The following R3HDM2 variants were observed in gnomAD, a reference collection of about 807,000 sequenced individuals.
R3HDM2 encodes the protein R3H domain-containing protein 2.
Under a neutral mutation model 124.5 loss-of-function variants are expected in R3HDM2, and 38 were observed. The ratio of observed to expected loss-of-function variants is 0.31; its 90% CI spans 0.24 to 0.40. R3HDM2 has a LOEUF of 0.40. Among genes scored for constraint, R3HDM2 ranks in the 10% least tolerant of loss-of-function variants. R3HDM2 has a pLI of 1.00. For synonymous variants in R3HDM2, 391 were observed against 448.0 expected (o/e 0.87, Z 1.61); for missense variants, 869 against 1,236.9 (o/e 0.70, Z 4.46).
At chr12:57,311,178 A>G (rs770801561) in intron 2 of R3HDM2, among the ~76,000 whole-genome samples, 4 of 152,188 alleles carry the variant, frequency 2.6e-5, no homozygotes, top group Admixed American at 2.0e-4. Context: ...TTCAAAAAGA[A>G]GTAAAATCAG....
intron 1 of R3HDM2, among the ~76,000 whole-genome samples, chr12:57,427,151 C>T (rs564203849): frequency 1.1e-4 from 16 of 151,606 alleles, no homozygotes; most frequent in Non-Finnish European, 2.2e-4. Flanking sequence ...ATTAGTTGGA[C>T]GTGGTGGCGC....
Position 57,377,078 on chromosome 12 carries a change from CTAAA to C in R3HDM2, c.-36+18667_-36+18670del, listed in dbSNP as rs142655309. ...CTGCTGCTCACTCCTTGGGTCCACGCTAAATAAATAAATAAATAAATAAATAAAA... is the reference window on the plus strand; with the variant it reads ...CTGCTGCTCACTCCTTGGGTCCACGCTAAATAAATAAATAAATAAATAAAA... On this transcript the variant is annotated intron_variant, in intron 2 of 23. Transcript: ENST00000402412. 8.6e-5 allele frequency among the ~76,000 whole-genome samples: 11 copies of C among 128,040 alleles called. No individual in the cohort carries two copies. The South Asian group carries it at 1.3e-3, about 15-fold the overall frequency. The allele number at this position is 128,040 out of a possible 152,430, so 84.0% of individuals were successfully genotyped here.
In R3HDM2 at chr12:57,371,498, A is replaced by G. The variant is rs954042106; in HGVS notation, c.-36+24251T>C. Among the ~76,000 whole-genome samples, 4 of 152,188 alleles carry G rather than the reference A, an allele frequency of 2.6e-5. No individual in the cohort carries two copies. The South Asian group carries it at 6.2e-4, about 24-fold the overall frequency. Reference sequence around the variant, plus strand: ...ATAGTCTGTAGTAAGATAAGAAGACAGGCAATGAGAAGAAATACTCCCAAA... The same window carrying G: ...ATAGTCTGTAGTAAGATAAGAAGACGGGCAATGAGAAGAAATACTCCCAAA... On this transcript the variant is annotated intron_variant, in intron 2 of 23. Coordinates refer to ENST00000402412, the MANE Select transcript of R3HDM2 (RefSeq NM_001394031.1).
chr12:57,287,346 AGACTGTGG>A (rs1248882931), intron 12 of R3HDM2, among the ~76,000 whole-genome samples: 3 of 152,226 alleles, frequency 2.0e-5, no homozygotes, highest in African/African-American at 7.2e-5. Context: ...CCCGAAGTGT[AGACTGTGG>A]AACAGGAATC....
intron 6 of R3HDM2, 76 bp downstream of exon 6, chr12:57,299,276 T>TA (rs1361604826): frequency 7.0e-7 from 1 of 1,431,904 alleles, no homozygotes; most frequent in Non-Finnish European, 9.5e-7. Flanking sequence ...CCAGTAAGGC[T>TA]GGCAGGTGCC....
At chr12:57,266,185 C>T (rs574108622) in intron 19 of R3HDM2, among the ~76,000 whole-genome samples, 57 of 151,566 alleles carry the variant, frequency 3.8e-4, no homozygotes, top group Non-Finnish European at 7.1e-4. Context: ...CAACCTCTGC[C>T]TCCCAGGTTC....
chr12:57,351,398 AC>A lies in R3HDM2; in HGVS notation c.-35-40936del, dbSNP rs570394011. On this transcript the variant is annotated intron_variant, in intron 2 of 23. Coordinates refer to ENST00000402412, the MANE Select transcript of R3HDM2 (RefSeq NM_001394031.1). The stretch of plus-strand genomic sequence containing the variant: ...TTAAGCAATAATTAAGACTAAAAAA[AC>A]AATAGTGTTCATTCACATCAACAGG... Among the ~76,000 whole-genome samples the A allele has an allele frequency of 4.2e-3, 637 of 152,382 alleles. 4 individuals are homozygous for A. Among genetic ancestry groups the A allele is most frequent in the Non-Finnish European group, 7.2e-3 (488 of 68,040 alleles).
At chr12:57,301,882 C>T (rs1392124025) in intron 4 of R3HDM2, among the ~76,000 whole-genome samples, 2 of 152,354 alleles carry the variant, frequency 1.3e-5, no homozygotes, top group Admixed American at 6.5e-5. Flanking sequence ...CACACACTAA[C>T]ACATGTAGTC....
intron 2 of R3HDM2, among the ~76,000 whole-genome samples, chr12:57,384,508 T>C (rs2065407078): frequency 1.3e-5 from 2 of 151,986 alleles, no homozygotes; most frequent in African/African-American, 4.8e-5. Context: ...ATAAAAAAAA[T>C]AACATATGTA....
chr12:57,361,680 C>T (rs1202653953), intron 2 of R3HDM2, among the ~76,000 whole-genome samples: 1 of 151,562 alleles, frequency 6.6e-6, no homozygotes, highest in Non-Finnish European at 1.5e-5. Flanking sequence ...CAAAGTGAGA[C>T]TGTCTCCAAA....
chr12:57,386,676 G>A (rs2065883003), intron 2 of R3HDM2, among the ~76,000 whole-genome samples: 1 of 152,256 alleles, frequency 6.6e-6, no homozygotes, highest in Non-Finnish European at 1.5e-5. Flanking sequence ...GGACTCGCAG[G>A]CAGCTCCACC....
At chr12:57,298,273 A>G (rs562629794) in intron 6 of R3HDM2, 105 bp from the exon 7 acceptor site, 2 of 889,858 alleles carry the variant, frequency 2.2e-6, no homozygotes, top group East Asian at 5.3e-5. Context: ...AAAGAATAGG[A>G]AAGCAAAATC....
chr12:57,428,777 C>T (rs1286085872), intron 1 of R3HDM2, among the ~76,000 whole-genome samples: 4 of 149,380 alleles, frequency 2.7e-5, no homozygotes, highest in Non-Finnish European at 3.0e-5. Flanking sequence ...GACAGTCTCT[C>T]GCTCTGTTGC....
Position 57,255,085 on chromosome 12 carries a change from ATC to A in R3HDM2, c.2659_2660del (p.Asp887SerfsTer3). The A allele has an allele frequency of 6.2e-7, 1 of 1,602,548 alleles. No individual in the cohort carries two copies. The highest frequency in any genetic ancestry group is 8.5e-7 in the Non-Finnish European group (1 of 1,173,496). Reference protein sequence around the residue: ...VVLGRVLEVTDLPEGITRTEA... With the variant: ...VVLGRVLEVTXLPEGITRTEA... ...CAGTACGGGTGATGCCCTCAGGGAG[ATC>A]TGTCACCTCCAGCACCCGCCCCAGG... On this transcript the variant is annotated frameshift_variant, in exon 24 of 24. Coordinates refer to ENST00000402412, the MANE Select transcript of R3HDM2 (RefSeq NM_001394031.1). LOFTEE classifies it high-confidence loss of function.
intron 1 of R3HDM2, among the ~76,000 whole-genome samples, chr12:57,424,282 C>T (rs554234592): frequency 2.0e-5 from 3 of 151,904 alleles, no homozygotes; most frequent in East Asian, 3.9e-4. Context: ...CTCAGCCTCC[C>T]GAGTAGCTGG....
At chr12:57,355,212 C>T (rs2061127623) in intron 2 of R3HDM2, among the ~76,000 whole-genome samples, 1 of 151,566 alleles carries the variant, frequency 6.6e-6, no homozygotes, top group African/African-American at 2.4e-5. Flanking sequence ...AATCCCAGCA[C>T]TTTGGGAGGC....
chr12:57,397,905 C>T (rs1329557271), intron 1 of R3HDM2, among the ~76,000 whole-genome samples: 2 of 152,082 alleles, frequency 1.3e-5, no homozygotes, highest in African/African-American at 2.4e-5. Flanking sequence ...TACTGTGGGC[C>T]GGGCACAGTG....
intron 1 of R3HDM2, among the ~76,000 whole-genome samples, chr12:57,403,505 A>C (rs948786633): frequency 6.8e-6 from 1 of 146,882 alleles, no homozygotes; most frequent in African/African-American, 2.5e-5. Flanking sequence ...AAAAAAATAA[A>C]AAATAAAAAA....
chr12:57,269,265 C>A (rs2043097493), intron 16 of R3HDM2, 58 bp downstream of exon 16: 1 of 1,597,752 alleles, frequency 6.3e-7, no homozygotes, highest in Non-Finnish European at 8.5e-7. Flanking sequence ...GTACTTCTTT[C>A]TTTCCTGGTG....
Sources: gnomAD v4.1 joint callset for allele counts (sites outside exome capture counted in the v4.1 genomes callset) on GRCh38, gnomAD v4.1.1 for gene constraint, MANE v1.5 for transcripts, NCBI Gene and HGNC (gene_info 2026-07-23, HGNC 2026-07-21) for gene names.